ADGRL4: variants seen among roughly 807,000 people sequenced by gnomAD.
ADGRL4 encodes the protein adhesion G protein-coupled receptor L4, also known as EGF, latrophilin and seven transmembrane domain containing 1.
In ADGRL4, 90 loss-of-function variants were observed where a neutral mutation model predicts 74.8. The ratio of observed to expected loss-of-function variants is 1.20; its 90% CI spans 1.02 to 1.43. The LOEUF is 1.43. Among genes scored for constraint, ADGRL4 ranks in the 40% most tolerant of loss-of-function variants. The probability of loss-of-function intolerance (pLI) is 0.00; values close to 1 mark genes in which losing one functional copy is unlikely to be tolerated. For missense variants in ADGRL4, 881 were observed against 814.3 expected (o/e 1.08, Z -1.00); for synonymous variants, 311 against 279.2 (o/e 1.11, Z -1.14).
At chr1:78,966,303 G>C (rs1370316527) in intron 2 of ADGRL4, among the ~76,000 whole-genome samples, 1 of 152,108 alleles carries the variant, frequency 6.6e-6, no homozygotes, top group Non-Finnish European at 1.5e-5. Flanking sequence ...GAAAGTCCCT[G>C]TTTTCCTTTT....
chr1:78,893,057 C>CAAAA, intron 13 of ADGRL4, 41 bp downstream of exon 13: 6 of 756,048 alleles, frequency 7.9e-6, no homozygotes, highest in East Asian at 3.0e-5. Flanking sequence ...CTTTTAATTA[C>CAAAA]CAAAAAAAAA....
chr1:78,918,962 A>G (rs975844951), intron 10 of ADGRL4, among the ~76,000 whole-genome samples: 1 of 151,972 alleles, frequency 6.6e-6, no homozygotes, highest in Non-Finnish European at 1.5e-5. Flanking sequence ...TAAACACTAC[A>G]CTGAGTAATT....
In ADGRL4 at chr1:78,938,455, C is replaced by T. The variant is rs146219599; in HGVS notation, c.397-176G>A. ...CATCATTGAAACCTGAATTTATTTA[C>T]AAGAGATTAGCAAATAACTTAAAAG... On this transcript the variant is annotated intron_variant, in intron 4 of 14. Coordinates refer to ENST00000370742, the MANE Select transcript of ADGRL4 (RefSeq NM_022159.4). Among the ~76,000 whole-genome samples the T allele has an allele frequency of 6.2e-4, 94 of 152,090 alleles. 1 individual carries two copies. Among genetic ancestry groups the T allele is most frequent in the African/African-American group, 2.1e-3 (88 of 41,526 alleles).
intron 2 of ADGRL4, among the ~76,000 whole-genome samples, chr1:78,981,225 T>C (rs7532041): frequency 0.99 from 150,088 of 151,896 alleles, 74,185 homozygotes; most frequent in Middle Eastern, 1. Flanking sequence ...ATCAACTGAT[T>C]AATGAAATGA....
intron 2 of ADGRL4, among the ~76,000 whole-genome samples, chr1:78,968,500 C>T (rs1291689533): frequency 0.042 from 222 of 5,318 alleles, 1 homozygote; most frequent in Middle Eastern, 0.083. Context: ...GGGTGGAGGG[C>T]GGTGGGGGGG....
chr1:78,904,555 A>G (rs1018831663), intron 12 of ADGRL4, among the ~76,000 whole-genome samples: 10 of 152,062 alleles, frequency 6.6e-5, no homozygotes, highest in Non-Finnish European at 2.9e-5. Context: ...ATAAACATAC[A>G]TTTAGTGAGG....
chr1:78,909,024 T>C (rs1343496726), intron 12 of ADGRL4, among the ~76,000 whole-genome samples: 3 of 151,788 alleles, frequency 2.0e-5, no homozygotes, highest in African/African-American at 7.3e-5. Flanking sequence ...GTCAAAATAA[T>C]ATGAAAAAAA....
intron 12 of ADGRL4, among the ~76,000 whole-genome samples, chr1:78,903,499 A>G (rs889796940): frequency 2.0e-5 from 3 of 152,190 alleles, no homozygotes; most frequent in Non-Finnish European, 4.4e-5. Flanking sequence ...TGGTATTACA[A>G]AACTCAAAGT....
intron 2 of ADGRL4, among the ~76,000 whole-genome samples, chr1:78,989,575 C>T (rs1250719226): frequency 6.6e-6 from 1 of 151,342 alleles, no homozygotes; most frequent in Non-Finnish European, 1.5e-5. Flanking sequence ...AGGTATGTCC[C>T]GAAGTGCCCG....
chr1:78,966,726 G>A (rs77353188), intron 2 of ADGRL4, among the ~76,000 whole-genome samples: 114 of 152,126 alleles, frequency 7.5e-4, no homozygotes, highest in African/African-American at 2.5e-3. Flanking sequence ...CAACTCCATC[G>A]GACAGTAATT....
intron 2 of ADGRL4, among the ~76,000 whole-genome samples, chr1:78,981,791 A>G (rs1479319153): frequency 1.3e-5 from 2 of 151,894 alleles, no homozygotes; most frequent in Non-Finnish European, 2.9e-5. Context: ...AATTAAGTAT[A>G]AATATTAATT....
intron 2 of ADGRL4, among the ~76,000 whole-genome samples, chr1:78,961,142 T>C (rs1240319535): frequency 6.6e-6 from 1 of 151,940 alleles, no homozygotes; most frequent in Non-Finnish European, 1.5e-5. Flanking sequence ...AGTGCAGTTG[T>C]GCGATCTTGG....
At position 78,957,637 on chromosome 1, in the gene ADGRL4, G is replaced by T. The variant is rs576108553; in HGVS notation, c.173-11211C>A. On this transcript the variant is annotated intron_variant, in intron 2 of 14. Coordinates refer to ENST00000370742, the MANE Select transcript of ADGRL4 (RefSeq NM_022159.4). ...GCAGAAGAATATTTGAAAGCTAGCA[G>T]AGGTCGGTTCATGAGGTTTAAGGAA... Among the ~76,000 whole-genome samples the T allele has an allele frequency of 2.6e-5, 4 of 152,342 alleles. 1 individual carries two copies. The South Asian group carries it at 8.3e-4, about 32-fold the overall frequency.
At chr1:78,927,233 C>A (rs762367429) in intron 7 of ADGRL4, 142 bp from the exon 8 acceptor site, 4 of 614,676 alleles carry the variant, frequency 6.5e-6, no homozygotes, top group Non-Finnish European at 1.1e-5. Context: ...ATATAGACCA[C>A]AATAAGCCTA....
chr1:78,891,554 A>G lies in ADGRL4; in HGVS notation c.1980T>C (p.Ile660=), dbSNP rs780585372. ...TVSNAFQGMF[I]FLFLCVLSRK... is the part of the protein sequence containing the mutation. ...TAGATAAAACACACAGGAATAAAAA[A>G]ATGAACATCCCCTGGAAAGCATTGC... The change falls in exon 14 of 15, where the codon ATT becomes ATC. Residue 660 remains isoleucine (I), a synonymous_variant. Coordinates refer to ENST00000370742, the MANE Select transcript of ADGRL4 (RefSeq NM_022159.4). The G allele has an allele frequency of 1.9e-6, 3 of 1,613,468 alleles. No individual in the cohort carries two copies. Among genetic ancestry groups the G allele is most frequent in the Middle Eastern group, 1.7e-4 (1 of 6,058 alleles).
chr1:78,922,930 A>T (rs1224676055), intron 8 of ADGRL4, among the ~76,000 whole-genome samples: 2 of 152,020 alleles, frequency 1.3e-5, no homozygotes, highest in Non-Finnish European at 2.9e-5. Context: ...GATGATAGAA[A>T]CTCAGATGAT....
intron 2 of ADGRL4, among the ~76,000 whole-genome samples, chr1:78,994,440 G>T (rs1239513914): frequency 6.6e-6 from 1 of 152,150 alleles, no homozygotes; most frequent in African/African-American, 2.4e-5. Context: ...AACCAGAATT[G>T]TCGCATTTTG....
At chr1:78,893,555 G>A (rs545740239) in intron 12 of ADGRL4, among the ~76,000 whole-genome samples, 12 of 151,864 alleles carry the variant, frequency 7.9e-5, no homozygotes, top group Admixed American at 2.6e-4. Context: ...TGATAATTCC[G>A]TGAACCCTTT....
At chr1:78,906,689 A>G (rs577337824) in intron 12 of ADGRL4, among the ~76,000 whole-genome samples, 14 of 152,152 alleles carry the variant, frequency 9.2e-5, no homozygotes, top group Non-Finnish European at 2.1e-4. Context: ...ACAAGAACAG[A>G]GGTTAGTAAG....
Sources: gnomAD v4.1 joint callset for allele counts (sites outside exome capture counted in the v4.1 genomes callset) on GRCh38, gnomAD v4.1.1 for gene constraint, MANE v1.5 for transcripts, NCBI Gene and HGNC (gene_info 2026-07-23, HGNC 2026-07-21) for gene names.